IFT122: variants seen among roughly 807,000 people sequenced by gnomAD.
The protein encoded by IFT122 is intraflagellar transport 122.
A neutral mutation model predicts 161.6 loss-of-function variants in IFT122; 118 were observed. That is an observed-to-expected ratio of 0.73 (90% CI 0.63 to 0.85). IFT122 has a LOEUF of 0.85. IFT122 is among the 40% of genes least tolerant of loss of function. The pLI is 0.00. For synonymous variants in IFT122, 550 were observed against 602.4 expected, an observed-to-expected ratio of 0.91 and a Z score of 1.27; for missense variants, 1,381 against 1,579.6, an observed-to-expected ratio of 0.87 and a Z score of 2.13.
chr3:129,454,552 T>TGTGTGC (rs2075248476), intron 3 of IFT122, among the ~76,000 whole-genome samples: 1 of 151,214 alleles, frequency 6.6e-6, no homozygotes, highest in African/African-American at 2.4e-5. Flanking sequence ...TGTGTGTGTG[T>TGTGTGC]GTGTGCATGT....
At chr3:129,479,278 AAT>A (rs1321500557) in intron 12 of IFT122, among the ~76,000 whole-genome samples, 2 of 150,126 alleles carry the variant, frequency 1.3e-5, no homozygotes. Flanking sequence ...AAAAAAAAAA[AAT>A]TATTTAATTA....
chr3:129,503,396 G>A (rs2081836576), intron 20 of IFT122, among the ~76,000 whole-genome samples: 1 of 151,904 alleles, frequency 6.6e-6, no homozygotes, highest in Non-Finnish European at 1.5e-5. Flanking sequence ...TCTGGTGTCA[G>A]GGGCTGTAAA....
intron 8 of IFT122, among the ~76,000 whole-genome samples, chr3:129,467,908 T>G (rs1488863165): frequency 2.6e-5 from 4 of 152,218 alleles, no homozygotes; most frequent in African/African-American, 9.6e-5. Flanking sequence ...TTTGATTGTT[T>G]CAACATGAGT....
chr3:129,511,656 T>G (rs760398626), intron 23 of IFT122, among the ~76,000 whole-genome samples: 13 of 152,356 alleles, frequency 8.5e-5, no homozygotes, highest in East Asian at 1.9e-4. Context: ...TGGCAGCCTC[T>G]AGGTACGAAG....
chr3:129,515,213 A>G (rs866468084), intron 25 of IFT122: 1 of 571,896 alleles, frequency 1.7e-6, no homozygotes. Flanking sequence ...GGCAGCGGCC[A>G]CTGTCATTCC....
chr3:129,448,734 C>G (rs1007616642), intron 1 of IFT122, among the ~76,000 whole-genome samples: 2 of 151,780 alleles, frequency 1.3e-5, no homozygotes, highest in African/African-American at 2.4e-5. Flanking sequence ...CTCCGTCGCC[C>G]AGACTGGAGT....
intron 8 of IFT122, among the ~76,000 whole-genome samples, chr3:129,468,565 A>G (rs1434987721): frequency 6.6e-6 from 1 of 152,140 alleles, no homozygotes; most frequent in Non-Finnish European, 1.5e-5. Flanking sequence ...GCTGGTCTAG[A>G]ACTCCTGACC....
At chr3:129,502,247 C>T (rs1210983651) in intron 19 of IFT122, among the ~76,000 whole-genome samples, 1 of 152,224 alleles carries the variant, frequency 6.6e-6, no homozygotes, top group Non-Finnish European at 1.5e-5. Flanking sequence ...TCCACTTTTC[C>T]GTGAGAATTC....
intron 15 of IFT122, among the ~76,000 whole-genome samples, chr3:129,485,379 A>G (rs930198352): frequency 1.4e-4 from 21 of 152,232 alleles, no homozygotes; most frequent in African/African-American, 3.9e-4. Flanking sequence ...TGCAAGACTT[A>G]CTGGGGAAAT....
chr3:129,442,662 G>A (rs950532311), intron 1 of IFT122, among the ~76,000 whole-genome samples: 3 of 151,216 alleles, frequency 2.0e-5, no homozygotes, highest in African/African-American at 2.4e-5. Flanking sequence ...ATTGTCTCCC[G>A]GTCTGCTCCT....
intron 17 of IFT122, among the ~76,000 whole-genome samples, chr3:129,494,101 C>T (rs1378166183): frequency 6.6e-6 from 1 of 152,206 alleles, no homozygotes; most frequent in Non-Finnish European, 1.5e-5. Flanking sequence ...CCCATGTTGA[C>T]ATGCACCTGC....
At position 129,514,476 on chromosome 3, in the gene IFT122, G is replaced by C. The variant is rs1560013363; in HGVS notation, c.3075G>C (p.Leu1025=). 2.5e-6 allele frequency: 4 copies of C among 1,614,214 alleles called. No homozygotes were observed. The highest frequency in any genetic ancestry group is 1.1e-5 in the South Asian group (1 of 91,086). The change falls in exon 25 of 30, where the codon CTG becomes CTC. Residue 1025 remains leucine, a synonymous_variant. Coordinates refer to ENST00000348417, the MANE Select transcript of IFT122 (RefSeq NM_052989.3). Reference sequence around the variant, plus strand: ...ACGCCTATGACAAGCTGCGTGGCCTGTACATCCCTGCCAGATTCCAAAAGT... The same window carrying C: ...ACGCCTATGACAAGCTGCGTGGCCTCTACATCCCTGCCAGATTCCAAAAGT... ...ARHAYDKLRG[L]YIPARFQKSI...
In IFT122 at chr3:129,483,588, A is replaced by G. The variant is rs1341627885; in HGVS notation, c.1757A>G (p.His586Arg). The change falls in exon 15 of 30, where the codon CAC (histidine) becomes CGC (arginine). Residue 586 changes from histidine (H) to arginine (R), a missense_variant. Physicochemically the swap from His to Arg is conservative, Grantham distance 29 (BLOSUM62 0). Transcript: ENST00000348417. ...ATCAAAGCCAGCACCTTCCCTGTGCACCGGCAGAAGCTGCAGGGCTTTGTG... is the reference window on the plus strand; with the variant it reads ...ATCAAAGCCAGCACCTTCCCTGTGCGCCGGCAGAAGCTGCAGGGCTTTGTG... ...LNIKASTFPV[H>R]RQKLQGFVVG... The G allele has an allele frequency of 6.2e-7, 1 of 1,614,002 alleles. No individual in the cohort carries two copies. The highest frequency in any genetic ancestry group is 8.5e-7 in the Non-Finnish European group (1 of 1,180,028).
At chr3:129,485,753 C>T (rs1206259046) in intron 15 of IFT122, among the ~76,000 whole-genome samples, 8 of 152,274 alleles carry the variant, frequency 5.3e-5, no homozygotes, top group Non-Finnish European at 1.0e-4. Context: ...GGGGCTTCCT[C>T]TGCCAGGACT....
chr3:129,464,856 C>G lies in IFT122; in HGVS notation c.563+75C>G, dbSNP rs531664463. ...GGCTTTTTGTCTTCCTGAGGTCTCC[C>G]TACATTCAAAGGCTTCTCACCTCAC... On this transcript the variant is annotated intron_variant, in intron 7 of 29. Coordinates refer to ENST00000348417, the MANE Select transcript of IFT122 (RefSeq NM_052989.3). 61 of 1,520,964 alleles carry G rather than the reference C, an allele frequency of 4.0e-5. No individual in the cohort carries two copies. The South Asian group carries it at 6.2e-4, about 15-fold the overall frequency. The allele number at this position is 1,520,964 out of a possible 1,614,324, so 94.2% of individuals were successfully genotyped here. A position where few individuals can be genotyped will look rare whatever the true frequency, so the allele number is the denominator to read the frequency against.
chr3:129,487,767 C>T (rs2079465519), intron 15 of IFT122: 2 of 254,260 alleles, frequency 7.9e-6, no homozygotes, highest in Admixed American at 5.1e-5. Flanking sequence ...CGGCTGTGCA[C>T]GGCTTTGCTG....
chr3:129,509,601 CAGTA>C (rs1193326338), intron 23 of IFT122, among the ~76,000 whole-genome samples: 3 of 152,196 alleles, frequency 2.0e-5, no homozygotes, highest in East Asian at 1.9e-4. Context: ...CTAAAATAAA[CAGTA>C]AGTAATAACT....
Position 129,479,960 on chromosome 3 carries a change from C to T in IFT122, c.1488+38C>T, listed in dbSNP as rs756679136. 11 of 1,612,790 alleles carry T rather than the reference C, an allele frequency of 6.8e-6. No individual in the cohort carries two copies. In the Admixed American group the frequency reaches 1.8e-4, roughly 27 times the overall value. ...TCACGTCTCCTGTCAGGCTGATAAT[C>T]TGCATGCACACGTGGGTGACCCGTC... is the stretch of plus-strand genomic sequence containing the variant. On this transcript the variant is annotated intron_variant, in intron 13 of 29. Transcript: ENST00000348417.
In IFT122 at chr3:129,489,841, A is replaced by G. The variant is rs1215028638; in HGVS notation, c.1992+1444A>G. Among the ~76,000 whole-genome samples, 704 of 149,884 alleles carry G rather than the reference A, an allele frequency of 4.7e-3. 3 individuals carry two copies. Among genetic ancestry groups the G allele is most frequent in the Non-Finnish European group, 8.0e-3 (539 of 67,218 alleles). On this transcript the variant is annotated intron_variant, in intron 16 of 29. Coordinates refer to ENST00000348417, the MANE Select transcript of IFT122 (RefSeq NM_052989.3). ...GCCATAGAGCAAGACTCTGACTTAA[A>G]AAAAAAAAAAAAAAAGAATTCAGAG...
Sources: allele counts gnomAD v4.1 joint callset (sites outside exome capture counted in the v4.1 genomes callset), GRCh38; gene constraint gnomAD v4.1.1; transcripts MANE v1.5; gene names NCBI Gene and HGNC (gene_info 2026-07-23, HGNC 2026-07-21).